The following RPS3A variants were observed in gnomAD, a reference collection of about 807,000 sequenced individuals.
RPS3A encodes ribosomal protein S3A, also known as small ribosomal subunit protein eS1.
A neutral mutation model predicts 26.4 loss-of-function variants in RPS3A; 1 was observed. That is an observed-to-expected ratio of 0.04 (90% confidence interval 0.01 to 0.18). RPS3A has a LOEUF of 0.18. Ranked by LOEUF, RPS3A falls within the 10% of genes least tolerant of loss-of-function variation. RPS3A has a pLI of 1.00. For synonymous variants in RPS3A, 97 were observed against 106.1 expected, an observed-to-expected ratio of 0.91 and a Z score of 0.53; for missense variants, 139 against 326.8, an observed-to-expected ratio of 0.43 and a Z score of 4.43.
At position 151,102,681 on chromosome 4, in the gene RPS3A, G is replaced by A; in HGVS notation, c.355-190G>A. 4 of 635,210 alleles carry A rather than the reference G, an allele frequency of 6.3e-6. No individual in the cohort carries two copies. The South Asian group carries it at 8.1e-5, about 13-fold the overall frequency. The allele number at this position is 635,210 out of a possible 1,614,324, so 39.3% of individuals were successfully genotyped here. On this transcript the variant is annotated intron_variant, in intron 3 of 5. Transcript: ENST00000274065. ...TTGAGAGGACCTGGTTATTTAATTG[G>A]GTAAGAATTTGGGGGTAACTTGGTA...
At chr4:151,103,706 A>C (rs1747230321) in intron 4 of RPS3A, 1 of 1,088,166 alleles carries the variant, frequency 9.2e-7, no homozygotes, top group South Asian at 2.1e-5. Context: ...GTTTGAGGCC[A>C]GCCTGGGCAA....
intron 1 of RPS3A, chr4:151,100,095 T>C: frequency 3.8e-6 from 2 of 524,008 alleles, no homozygotes; most frequent in Admixed American, 2.3e-5. Context: ...TTGGTCCCGC[T>C]GGAATCTGCG....
intron 1 of RPS3A, 69 bp from the exon 2 acceptor site, chr4:151,100,416 A>C: frequency 1.2e-6 from 1 of 864,150 alleles, no homozygotes; most frequent in Non-Finnish European, 1.9e-6. Context: ...AATGGGAAAT[A>C]CCATTAACAG....
intron 3 of RPS3A, among the ~76,000 whole-genome samples, chr4:151,102,547 G>C (rs866668773): frequency 2.6e-5 from 4 of 152,058 alleles, no homozygotes; most frequent in Admixed American, 1.3e-4. Context: ...TACACTTGAG[G>C]GGGTATGAGC....
At chr4:151,100,329 A>C in intron 1 of RPS3A, 156 bp from the exon 2 acceptor site, 3 of 588,342 alleles carry the variant, frequency 5.1e-6, no homozygotes, top group Non-Finnish European at 9.1e-6. Flanking sequence ...GGGAAGAGCT[A>C]GATTTATGTT....
chr4:151,103,147 C>T (rs900788960), intron 4 of RPS3A, 68 bp downstream of exon 4: 11 of 1,532,468 alleles, frequency 7.2e-6, no homozygotes, highest in South Asian at 1.2e-5. Context: ...GATGAGAGAA[C>T]GCATATGAGA....
At chr4:151,102,208 T>A (rs1228402330) in intron 3 of RPS3A, 5 of 349,954 alleles carry the variant, frequency 1.4e-5, no homozygotes, top group Non-Finnish European at 2.9e-5. Context: ...TAGTTTTTTT[T>A]TATACTAAGG....
intron 4 of RPS3A, chr4:151,103,883 T>A (rs1561165678): frequency 6.9e-7 from 1 of 1,440,276 alleles, no homozygotes; most frequent in Non-Finnish European, 9.3e-7. Flanking sequence ...ACAACATTTT[T>A]CTGATGTTCC....
Position 151,102,894 on chromosome 4 carries a change from T to C in RPS3A, c.378T>C (p.Asp126=). 4 of 1,611,846 alleles carry C rather than the reference T, an allele frequency of 2.5e-6. No homozygotes were observed. Among genetic ancestry groups the C allele is most frequent in the South Asian group, 1.1e-5 (1 of 90,912 alleles). Residue 126 remains aspartate, a synonymous_variant, in exon 4 of 6, where the codon GAT becomes GAC. Coordinates refer to ENST00000274065, the MANE Select transcript of RPS3A (RefSeq NM_001006.5). ...KWQTMIEAHV[D]VKTTDGYLLR... ...AGACAATGATTGAAGCTCACGTTGA[T>C]GTCAAGACTACCGATGGTTACTTGC... is the stretch of plus-strand genomic sequence containing the variant.
chr4:151,104,078 T>G, intron 4 of RPS3A, 99 bp from the exon 5 acceptor site: 2 of 1,511,300 alleles, frequency 1.3e-6, no homozygotes, highest in East Asian at 2.3e-5. Context: ...GTAGGTGTTA[T>G]GTGTAGGTTT....
intron 4 of RPS3A, 52 bp from the exon 5 acceptor site, chr4:151,104,125 A>ATCTTG (rs1427094553): frequency 1.9e-6 from 3 of 1,582,066 alleles, no homozygotes; most frequent in East Asian, 2.2e-5. Flanking sequence ...GAAATGGCTT[A>ATCTTG]TATCTGAGAA....
At chr4:151,100,763 G>A (rs1747083253) in intron 2 of RPS3A, among the ~76,000 whole-genome samples, 175 bp downstream of exon 2, 1 of 152,224 alleles carries the variant, frequency 6.6e-6, no homozygotes, top group Non-Finnish European at 1.5e-5. Context: ...AGAGAAGCAA[G>A]ATGGTGCTTT....
intron 2 of RPS3A, 110 bp from the exon 3 acceptor site, chr4:151,100,865 G>GT: frequency 1.3e-6 from 1 of 754,806 alleles, no homozygotes; most frequent in Non-Finnish European, 2.1e-6. Context: ...GATAACAAAG[G>GT]TTAAGGTCTT....
At chr4:151,100,904 C>G (rs538904210) in intron 2 of RPS3A, 71 bp from the exon 3 acceptor site, 189 of 1,040,830 alleles carry the variant, frequency 1.8e-4, no homozygotes, top group Non-Finnish European at 2.5e-4. Context: ...TAATTTCTAC[C>G]CTCAGTTTAC....
intron 5 of RPS3A, 55 bp downstream of exon 5, chr4:151,104,341 A>T: frequency 6.4e-7 from 1 of 1,571,226 alleles, no homozygotes; most frequent in Non-Finnish European, 8.6e-7. Flanking sequence ...TTTTGGGTGG[A>T]GGAGGAGTGT....
chr4:151,101,521 G>A (rs1178596891), intron 3 of RPS3A, among the ~76,000 whole-genome samples: 1 of 152,124 alleles, frequency 6.6e-6, no homozygotes, highest in East Asian at 1.9e-4. Context: ...GATTAACTGT[G>A]GCAGTAGAGC....
intron 3 of RPS3A, among the ~76,000 whole-genome samples, chr4:151,101,827 G>A (rs1747126894): frequency 6.6e-6 from 1 of 152,066 alleles, no homozygotes; most frequent in Admixed American, 6.6e-5. Context: ...CCTCCTCCTG[G>A]GTTCAAGGGA....
At chr4:151,103,614 T>A (rs1473197794) in intron 4 of RPS3A, 1 of 1,052,034 alleles carries the variant, frequency 9.5e-7, no homozygotes, top group African/African-American at 1.7e-5. Context: ...GAAAATACAC[T>A]GAATAAGTTG....
intron 2 of RPS3A, 59 bp downstream of exon 2, chr4:151,100,647 G>A: frequency 5.9e-6 from 6 of 1,019,322 alleles, no homozygotes. Context: ...TATTGTAGCA[G>A]GCATCTTGGT....
Sources: gnomAD v4.1 joint callset for allele counts (sites outside exome capture counted in the v4.1 genomes callset) on GRCh38, gnomAD v4.1.1 for gene constraint, MANE v1.5 for transcripts, NCBI Gene and HGNC (gene_info 2026-07-23, HGNC 2026-07-21) for gene names.